UBR3: variants seen among roughly 807,000 people sequenced by gnomAD.
UBR3 encodes E3 ubiquitin-protein ligase UBR3.
UBR3 carries 85 observed loss-of-function variants against 243.2 expected under a neutral mutation model. The ratio of observed to expected loss-of-function variants is 0.35; its 90% CI spans 0.29 to 0.42. UBR3 has a LOEUF of 0.42. Among genes scored for constraint, UBR3 ranks in the 10% least tolerant of loss-of-function variants. The probability of loss-of-function intolerance (pLI) is 1.00; values close to 1 mark genes in which losing one functional copy is unlikely to be tolerated. For missense variants in UBR3, 1,686 were observed against 2,300.8 expected, an observed-to-expected ratio of 0.73 and a Z score of 5.47; for synonymous variants, 748 against 799.8, an observed-to-expected ratio of 0.94 and a Z score of 1.09.
chr2:169,874,979 T>C (rs1398687701), intron 2 of UBR3, among the ~76,000 whole-genome samples: 1 of 132,136 alleles, frequency 7.6e-6, no homozygotes, highest in African/African-American at 2.5e-5. Context: ...TAATATTCTT[T>C]TTCAGTTGTT....
At chr2:170,069,517 C>T (rs368352650) in intron 35 of UBR3, among the ~76,000 whole-genome samples, 1 of 152,120 alleles carries the variant, frequency 6.6e-6, no homozygotes, top group South Asian at 2.1e-4. Context: ...ATATAGTCAT[C>T]ATGCTGTACA....
intron 33 of UBR3, among the ~76,000 whole-genome samples, chr2:170,055,829 C>A (rs1489333268): frequency 1.3e-5 from 2 of 152,010 alleles, no homozygotes; most frequent in African/African-American, 4.8e-5. Flanking sequence ...TTTCTGCAAG[C>A]CTTAAACTTA....
Position 169,876,307 on chromosome 2 carries a change from C to G in UBR3, c.844+358C>G, listed in dbSNP as rs1020388274. On this transcript the variant is annotated intron_variant, in intron 3 of 38. Coordinates refer to ENST00000272793, the MANE Select transcript of UBR3 (RefSeq NM_172070.4). ...GTGTTAGCCAGGATGGTCTCGATCT[C>G]CTGACCTCATGATCCGCCCGCCTTG... is the stretch of plus-strand genomic sequence containing the variant. Among the ~76,000 whole-genome samples, 4 of 152,064 alleles carry G rather than the reference C, an allele frequency of 2.6e-5. No homozygotes were observed. In the East Asian group the frequency reaches 7.8e-4, roughly 30 times the overall value.
In UBR3 at chr2:170,014,639, C is replaced by A. The variant is rs568123289; in HGVS notation, c.4368-642C>A. Among the ~76,000 whole-genome samples the A allele has an allele frequency of 2.6e-4, 39 of 152,032 alleles. 1 individual carries two copies. In the South Asian group the frequency reaches 8.1e-3, roughly 32 times the overall value. On this transcript the variant is annotated intron_variant, in intron 29 of 38. Coordinates refer to ENST00000272793, the MANE Select transcript of UBR3 (RefSeq NM_172070.4). ...TTTGTAAGCTAATAATTGCTAAATA[C>A]CTTGCAATTTCAGGTCTGTATGAAC...
chr2:169,954,901 A>G lies in UBR3; in HGVS notation c.3546-3537A>G, dbSNP rs375223218. On this transcript the variant is annotated intron_variant, in intron 23 of 38. Coordinates refer to ENST00000272793, the MANE Select transcript of UBR3 (RefSeq NM_172070.4). The stretch of plus-strand genomic sequence containing the variant: ...AATATTTCTTATAGCAGAAAGATCC[A>G]GTTCATAATCACTCCTTGCATTTAG... 7.5e-4 allele frequency among the ~76,000 whole-genome samples: 114 copies of G among 152,286 alleles called. 1 individual carries two copies. The South Asian group carries it at 9.5e-3, about 13-fold the overall frequency.
intron 10 of UBR3, among the ~76,000 whole-genome samples, chr2:169,909,890 A>C (rs906790407): frequency 8.5e-5 from 13 of 152,262 alleles, no homozygotes; most frequent in African/African-American, 3.1e-4. Flanking sequence ...TTCAAAGTAT[A>C]TTTTGGATAT....
chr2:169,954,546 A>C (rs1250571518), intron 23 of UBR3, among the ~76,000 whole-genome samples: 1 of 150,058 alleles, frequency 6.7e-6, no homozygotes, highest in Non-Finnish European at 1.5e-5. Flanking sequence ...CCTAGCCCCC[A>C]ATAATATTTC....
At chr2:170,027,697 A>C (rs1295468674) in intron 30 of UBR3, among the ~76,000 whole-genome samples, 1 of 151,874 alleles carries the variant, frequency 6.6e-6, no homozygotes, top group Non-Finnish European at 1.5e-5. Context: ...TTTTTCTGTG[A>C]GAAGAATTTA....
intron 8 of UBR3, among the ~76,000 whole-genome samples, chr2:169,904,705 A>AAGATGAAATGAG (rs1009536317): frequency 6.6e-6 from 1 of 152,180 alleles, no homozygotes; most frequent in Non-Finnish European, 1.5e-5. Flanking sequence ...TTTGGTTGAT[A>AAGATGAAATGAG]AGATGAAATG....
intron 24 of UBR3, among the ~76,000 whole-genome samples, chr2:169,960,229 A>G (rs2087502400): frequency 6.9e-6 from 1 of 144,374 alleles, no homozygotes; most frequent in Non-Finnish European, 1.5e-5. Flanking sequence ...AGCCTGGGTG[A>G]CAAGAGCAAA....
intron 1 of UBR3, among the ~76,000 whole-genome samples, chr2:169,870,226 A>G (rs1257175413): frequency 1.3e-5 from 2 of 152,196 alleles, no homozygotes; most frequent in Admixed American, 6.5e-5. Flanking sequence ...TTTCCACTAT[A>G]TTGATTTGAG....
chr2:169,846,526 G>A (rs1364789200), intron 1 of UBR3, among the ~76,000 whole-genome samples: 5 of 151,998 alleles, frequency 3.3e-5, no homozygotes, highest in African/African-American at 4.8e-5. Context: ...CCTGACCAAC[G>A]TGGTGAAACT....
intron 1 of UBR3, among the ~76,000 whole-genome samples, chr2:169,864,894 G>A (rs1252713707): frequency 5.2e-5 from 7 of 134,296 alleles, no homozygotes; most frequent in African/African-American, 1.4e-4. Flanking sequence ...GTGACGGAGC[G>A]AGACTCCGTC....
chr2:169,836,907 T>G (rs2082129417), intron 1 of UBR3, among the ~76,000 whole-genome samples: 1 of 152,212 alleles, frequency 6.6e-6, no homozygotes. Context: ...ATACTTAATT[T>G]CATCTTCTAG....
chr2:169,860,950 C>T (rs764653576), intron 1 of UBR3, among the ~76,000 whole-genome samples: 10 of 152,154 alleles, frequency 6.6e-5, no homozygotes, highest in Non-Finnish European at 1.2e-4. Context: ...CCTGGCAAAC[C>T]GCTGGTGTAA....
chr2:169,957,885 A>G (rs2087382210), intron 23 of UBR3, among the ~76,000 whole-genome samples: 1 of 152,226 alleles, frequency 6.6e-6, no homozygotes, highest in South Asian at 2.1e-4. Flanking sequence ...TTTACTTTAT[A>G]CAAAATAAAC....
Position 170,081,815 on chromosome 2 carries a change from G to T in UBR3, c.5639G>T (p.Arg1880Ile). Residue 1880 changes from arginine to isoleucine, a missense_variant, in exon 39 of 39, where the codon AGA (arginine) becomes ATA (isoleucine). Transcript: ENST00000272793. The stretch of plus-strand genomic sequence containing the variant: ...CATACTTTTGATCACATCAATAAAA[G>T]ATGGGGTCCACATTACAATGGGCTG... ...ISHTFDHINKRWGPHYNGL is the reference protein window; with the variant it reads ...ISHTFDHINKIWGPHYNGL 6.2e-7 allele frequency: 1 copy of T among 1,605,868 alleles called. No individual in the cohort carries two copies. Among genetic ancestry groups the T allele is most frequent in the East Asian group, 2.3e-5 (1 of 44,262 alleles).
At chr2:169,903,006 T>G (rs1459114709) in intron 8 of UBR3, among the ~76,000 whole-genome samples, 1 of 152,234 alleles carries the variant, frequency 6.6e-6, no homozygotes, top group Non-Finnish European at 1.5e-5. Context: ...TTCTTAGATG[T>G]TAATCTCCAT....
intron 19 of UBR3, among the ~76,000 whole-genome samples, chr2:169,936,082 G>A (rs945410899): frequency 1.3e-5 from 2 of 151,740 alleles, no homozygotes; most frequent in African/African-American, 4.8e-5. Flanking sequence ...TTTTTGAGAT[G>A]GAGTTTCACT....
Sources: gnomAD v4.1 joint callset for allele counts (sites outside exome capture counted in the v4.1 genomes callset) on GRCh38, gnomAD v4.1.1 for gene constraint, MANE v1.5 for transcripts, NCBI Gene and HGNC (gene_info 2026-07-23, HGNC 2026-07-21) for gene names.